Variants in EDIL3 observed in about 807,000 individuals in gnomAD.
EDIL3 encodes EGF like and discoidin domains 3, also known as EGF-like repeat and discoidin I-like domain-containing protein 3.
EDIL3 carries 37 observed loss-of-function variants against 67.4 expected under a neutral mutation model. The ratio of observed to expected loss-of-function variants is 0.55; its 90% CI spans 0.42 to 0.72. The LOEUF (loss-of-function observed/expected upper bound fraction) is 0.72, where lower values mean the gene tolerates loss of function less well. Among genes scored for constraint, EDIL3 ranks in the 30% least tolerant of loss-of-function variants. The pLI is 0.00. For missense variants in EDIL3, 527 were observed against 586.3 expected (o/e 0.90, Z 1.04); for synonymous variants, 195 against 196.3 (o/e 0.99, Z 0.05).
intron 6 of EDIL3, among the ~76,000 whole-genome samples, chr5:84,077,931 A>T (rs1034816515): frequency 6.6e-6 from 1 of 152,082 alleles, no homozygotes; most frequent in Admixed American, 6.6e-5. Flanking sequence ...AGCAAATGAT[A>T]TTAAAGGTAA....
chr5:83,945,335 G>T, intron 10 of EDIL3, among the ~76,000 whole-genome samples: 1 of 151,844 alleles, frequency 6.6e-6, no homozygotes, highest in Non-Finnish European at 1.5e-5. Context: ...ATAAGCCCTG[G>T]TTTACTGACA....
chr5:84,294,210 C>A (rs752167027), intron 1 of EDIL3, among the ~76,000 whole-genome samples: 1 of 151,418 alleles, frequency 6.6e-6, no homozygotes, highest in Non-Finnish European at 1.5e-5. Context: ...GGTGAAACCC[C>A]GTCTCTACTA....
At chr5:83,951,938 T>A (rs1215476046) in intron 10 of EDIL3, among the ~76,000 whole-genome samples, 1 of 151,758 alleles carries the variant, frequency 6.6e-6, no homozygotes, top group Non-Finnish European at 1.5e-5. Context: ...TACTTGTGAT[T>A]CCCTAGTCCA....
intron 10 of EDIL3, among the ~76,000 whole-genome samples, chr5:83,949,286 G>A (rs766649196): frequency 2.6e-5 from 4 of 151,504 alleles, no homozygotes; most frequent in Non-Finnish European, 5.9e-5. Context: ...GCTGAAATAA[G>A]GTCATAACTA....
chr5:84,096,540 T>C (rs1056876286), intron 6 of EDIL3, among the ~76,000 whole-genome samples: 1 of 152,206 alleles, frequency 6.6e-6, no homozygotes, highest in South Asian at 2.1e-4. Flanking sequence ...AACTAATGCC[T>C]GTATCACCAC....
At chr5:83,973,665 C>A (rs2112140905) in intron 9 of EDIL3, among the ~76,000 whole-genome samples, 1 of 152,052 alleles carries the variant, frequency 6.6e-6, no homozygotes, top group South Asian at 2.1e-4. Context: ...TAATTTTATG[C>A]AAAGTGTTGT....
In EDIL3 at chr5:83,941,565, A is replaced by G. The variant is rs533043373; in HGVS notation, c.*1854T>C. The G allele has an allele frequency of 3.9e-5, 6 of 152,130 alleles. 1 individual carries two copies. The South Asian group carries it at 1.2e-3, about 32-fold the overall frequency. The allele number at this position is 152,130 out of a possible 1,614,324, so 9.4% of individuals were successfully genotyped here. On this transcript the variant is annotated 3_prime_UTR_variant, in exon 11 of 11. Coordinates refer to ENST00000296591, the MANE Select transcript of EDIL3 (RefSeq NM_005711.5). ...AGAGTAAGTGTGTGTATATTTCTGA[A>G]CCTAAGTAATTATTTGTCACGACTT...
chr5:84,159,003 A>G (rs1748541826), intron 4 of EDIL3, among the ~76,000 whole-genome samples: 1 of 152,074 alleles, frequency 6.6e-6, no homozygotes. Context: ...TGTGGTGCCT[A>G]TAACAAAGGA....
intron 1 of EDIL3, 29 bp from the exon 2 acceptor site, chr5:84,254,241 C>G (rs1043872520): frequency 7.0e-6 from 11 of 1,582,732 alleles, no homozygotes; most frequent in African/African-American, 1.4e-5. Flanking sequence ...CCGAAATTGA[C>G]ATTTTTTTTT....
chr5:84,033,645 A>G (rs32602), intron 9 of EDIL3, among the ~76,000 whole-genome samples: 7,140 of 149,012 alleles, frequency 0.048, 234 homozygotes, highest in Middle Eastern at 0.13. Context: ...CGGAGGTTGC[A>G]GTGAGCCAAG....
intron 1 of EDIL3, among the ~76,000 whole-genome samples, chr5:84,267,639 A>G (rs1196476982): frequency 6.6e-6 from 1 of 152,170 alleles, no homozygotes; most frequent in Non-Finnish European, 1.5e-5. Flanking sequence ...CAAGTCTTGG[A>G]CAGTAGTTGT....
chr5:83,952,063 G>C (rs1035848103), intron 10 of EDIL3, among the ~76,000 whole-genome samples: 2 of 151,738 alleles, frequency 1.3e-5, no homozygotes, highest in Admixed American at 6.6e-5. Context: ...CTGTTTTCTT[G>C]CATAACTTTG....
intron 1 of EDIL3, among the ~76,000 whole-genome samples, chr5:84,340,949 C>G (rs753943340): frequency 6.6e-6 from 1 of 151,950 alleles, no homozygotes; most frequent in Non-Finnish European, 1.5e-5. Context: ...CTGCCACCAC[C>G]GCATCATCCC....
intron 1 of EDIL3, among the ~76,000 whole-genome samples, chr5:84,303,597 T>C (rs1177098139): frequency 3.3e-5 from 5 of 152,194 alleles, no homozygotes; most frequent in African/African-American, 1.2e-4. Flanking sequence ...TTAAAGGCAA[T>C]GTGGGCATAT....
chr5:84,012,078 T>C (rs989522974), intron 9 of EDIL3, among the ~76,000 whole-genome samples: 4 of 152,190 alleles, frequency 2.6e-5, no homozygotes, highest in Non-Finnish European at 5.9e-5. Flanking sequence ...CAATAAATGT[T>C]TGTTGAATAA....
intron 1 of EDIL3, among the ~76,000 whole-genome samples, chr5:84,337,122 T>C (rs1321690799): frequency 6.6e-6 from 1 of 152,168 alleles, no homozygotes; most frequent in Non-Finnish European, 1.5e-5. Flanking sequence ...CAAGTCTGTA[T>C]ATAAAATTTG....
At chr5:84,064,570 T>C (rs1746599818) in intron 8 of EDIL3, 130 bp downstream of exon 8, 3 of 1,165,302 alleles carry the variant, frequency 2.6e-6, no homozygotes, top group Non-Finnish European at 3.5e-6. Context: ...CCCTGAACCA[T>C]GTTGTAGACA....
intron 3 of EDIL3, among the ~76,000 whole-genome samples, chr5:84,207,986 G>A (rs1449046097): frequency 1.3e-5 from 2 of 151,934 alleles, no homozygotes; most frequent in Non-Finnish European, 2.9e-5. Context: ...CATAGGCATG[G>A]GCAAGGACTT....
At chr5:84,065,101 G>A (rs556814400) in intron 7 of EDIL3, among the ~76,000 whole-genome samples, 1 of 152,168 alleles carries the variant, frequency 6.6e-6, no homozygotes, top group Non-Finnish European at 1.5e-5. Flanking sequence ...CAATTTTAAG[G>A]CCAGTCTTTC....
Sources: allele counts gnomAD v4.1 joint callset (sites outside exome capture counted in the v4.1 genomes callset), GRCh38; gene constraint gnomAD v4.1.1; transcripts MANE v1.5; gene names NCBI Gene and HGNC (gene_info 2026-07-23, HGNC 2026-07-21).